The following ERCC6 variants were observed in gnomAD, a reference collection of about 807,000 sequenced individuals.
ERCC6 encodes ERCC excision repair 6, chromatin remodeling factor, also known as DNA excision repair protein ERCC-6.
Under a neutral mutation model 158.7 loss-of-function variants are expected in ERCC6, and 116 were observed. The observed-to-expected ratio is 0.73, with a 90% CI of 0.63 to 0.85. ERCC6 has a LOEUF of 0.85. ERCC6 is among the 40% of genes least tolerant of loss of function. The pLI, the probability that ERCC6 is intolerant of heterozygous loss-of-function variation, is 0.00. For missense variants in ERCC6, 1,698 were observed against 1,799.4 expected, an observed-to-expected ratio of 0.94 and a Z score of 1.02; for synonymous variants, 678 against 659.3, an observed-to-expected ratio of 1.03 and a Z score of -0.43.
chr10:49,480,400 A>G lies in ERCC6; in HGVS notation c.2170-1930T>C, dbSNP rs4253178. Among the ~76,000 whole-genome samples the G allele has an allele frequency of 3.5e-3, 536 of 152,328 alleles. 5 individuals carry two copies. Among genetic ancestry groups the G allele is most frequent in the African/African-American group, 0.013 (521 of 41,570 alleles). ...TAGCCCCTGCCATCATTTTAGCACC[A>G]GCATGACAGAATAAATACCGGCACA... On this transcript the variant is annotated intron_variant, in intron 10 of 20. Transcript: ENST00000355832.
chr10:49,535,625 C>T lies in ERCC6; in HGVS notation c.-14-2647G>A, dbSNP rs188351461. ...GATTTCTTTTTAAGAAAAAAGGATG[C>T]CAATTCAACCAAAAATATTAAGTAA... On this transcript the variant is annotated intron_variant, in intron 1 of 20. Transcript: ENST00000355832. Among the ~76,000 whole-genome samples the T allele has an allele frequency of 1.6e-3, 250 of 152,144 alleles. 1 individual carries two copies. In the Middle Eastern group the frequency reaches 0.02, roughly 12 times the overall value.
chr10:49,445,875 G>A, the ERCC6 span, among the ~76,000 whole-genome samples: 3 of 152,146 alleles, frequency 2.0e-5, no homozygotes, highest in African/African-American at 7.2e-5. Context: ...AATCAGAACT[G>A]AGACCCCCTC....
intron 1 of ERCC6, among the ~76,000 whole-genome samples, chr10:49,536,338 G>A (rs1484875015): frequency 1.3e-5 from 2 of 152,088 alleles, no homozygotes; most frequent in African/African-American, 4.8e-5. Context: ...ACTAGAGCAC[G>A]TAATGGCTGG....
chr10:49,538,130 T>C (rs754478770), intron 1 of ERCC6, among the ~76,000 whole-genome samples: 1 of 152,168 alleles, frequency 6.6e-6, no homozygotes, highest in Non-Finnish European at 1.5e-5. Flanking sequence ...TCTTGCAGAG[T>C]ATCTTCTAAG....
the ERCC6 span, among the ~76,000 whole-genome samples, chr10:49,443,802 T>C: frequency 6.6e-6 from 1 of 152,242 alleles, no homozygotes; most frequent in African/African-American, 2.4e-5. Context: ...TGTAGCCATA[T>C]AGCCTAGGTG....
chr10:49,449,558 G>GTTTTTT (rs1180100357), downstream of ERCC6, among the ~76,000 whole-genome samples: 3 of 105,160 alleles, frequency 2.9e-5, no homozygotes, highest in African/African-American at 1.2e-4. Flanking sequence ...TGATAGTTAG[G>GTTTTTT]TCTTTTTTTT....
At chr10:49,469,901 T>C (rs1006498890) in intron 18 of ERCC6, among the ~76,000 whole-genome samples, 8 of 152,248 alleles carry the variant, frequency 5.3e-5, no homozygotes, top group African/African-American at 1.2e-4. Flanking sequence ...AACTGCCTAC[T>C]AATGTTCAGG....
intron 13 of ERCC6, 54 bp downstream of exon 13, chr10:49,473,973 T>C (rs540945382): frequency 1.3e-6 from 2 of 1,485,642 alleles, no homozygotes; most frequent in South Asian, 1.1e-5. Context: ...TTTTGTGAGT[T>C]GATGGCTGTC....
At chr10:49,520,945 G>A (rs1157488302) in intron 5 of ERCC6, among the ~76,000 whole-genome samples, 1 of 152,156 alleles carries the variant, frequency 6.6e-6, no homozygotes, top group Non-Finnish European at 1.5e-5. Flanking sequence ...TTGGATAAGG[G>A]TCATATTAAT....
Position 49,499,644 on chromosome 10 carries a change from T to C in ERCC6, c.1685+894A>G, listed in dbSNP as rs146652638. ...AGCTCGGACTTATCTGGGTTCAGTATGATGAAATATCCTACATAATTTACC... is the reference window on the plus strand; with the variant it reads ...AGCTCGGACTTATCTGGGTTCAGTACGATGAAATATCCTACATAATTTACC... On this transcript the variant is annotated intron_variant, in intron 7 of 20. Transcript: ENST00000355832. Among the ~76,000 whole-genome samples, 1,092 of 152,292 alleles carry C rather than the reference T, an allele frequency of 7.2e-3. 13 individuals are homozygous for C. Among genetic ancestry groups the C allele is most frequent in the African/African-American group, 0.024 (989 of 41,562 alleles).
intron 5 of ERCC6, among the ~76,000 whole-genome samples, chr10:49,511,568 G>A (rs1836818963): frequency 6.6e-6 from 1 of 152,050 alleles, no homozygotes; most frequent in Admixed American, 6.6e-5. Flanking sequence ...AGGACTACAG[G>A]CATGCGCCAC....
the ERCC6 span, among the ~76,000 whole-genome samples, chr10:49,442,352 A>G: frequency 6.6e-6 from 1 of 152,200 alleles, no homozygotes; most frequent in Non-Finnish European, 1.5e-5. Context: ...GCGAAAGCAA[A>G]GGCACAGGGC....
chr10:49,466,548 T>G (rs1395492925), intron 18 of ERCC6, among the ~76,000 whole-genome samples: 2 of 152,342 alleles, frequency 1.3e-5, no homozygotes, highest in East Asian at 1.9e-4. Flanking sequence ...ATTATGTACA[T>G]ACCATGAAAC....
At chr10:49,483,131 C>T (rs1487072729) in intron 9 of ERCC6, among the ~76,000 whole-genome samples, 1 of 152,046 alleles carries the variant, frequency 6.6e-6, no homozygotes, top group Non-Finnish European at 1.5e-5. Flanking sequence ...CTGGCCCCTA[C>T]AAGAGACATT....
Position 49,524,295 on chromosome 10 carries a change from CCT to C in ERCC6, c.1133_1134del (p.Glu378GlyfsTer8), listed in dbSNP as rs760741490. The C allele has an allele frequency of 6.2e-7, 1 of 1,614,060 alleles. No individual in the cohort carries two copies. Among genetic ancestry groups the C allele is most frequent in the South Asian group, 1.1e-5 (1 of 91,076 alleles). On this transcript the variant is annotated frameshift_variant, in exon 5 of 21. Transcript: ENST00000355832. LOFTEE classifies it high-confidence loss of function. Reference protein sequence around the residue: ...EGEESEYFPTEEEEEEEDDEV... With the variant: ...EGEESEYFPTXEEEEEEDDEV... The stretch of plus-strand genomic sequence containing the variant: ...TCGTCATCTTCCTCCTCTTCCTCCT[CCT>C]CTGTGGGGAAATACTCAGACTCTTC...
At position 49,483,338 on chromosome 10, in the gene ERCC6, G is replaced by T. The variant is rs1200709700; in HGVS notation, c.1992+8C>A. ...CTTGGAAATCTCCCTTGTTAAAAGA[G>T]GTCATACCTGTTTGCAAGCAAGGGT... On this transcript the variant is annotated splice_region_variant and intron_variant, in intron 9 of 20. Coordinates refer to ENST00000355832, the MANE Select transcript of ERCC6 (RefSeq NM_000124.4). The T allele has an allele frequency of 6.2e-7, 1 of 1,613,876 alleles. No homozygotes were observed. The highest frequency in any genetic ancestry group is 8.5e-7 in the Non-Finnish European group (1 of 1,179,800).
At position 49,470,357 on chromosome 10, in the gene ERCC6, T is replaced by A; in HGVS notation, c.3603A>T (p.Arg1201Ser). 1 of 1,614,202 alleles carries A rather than the reference T, an allele frequency of 6.2e-7. No individual in the cohort carries two copies. Among genetic ancestry groups the A allele is most frequent in the East Asian group, 2.2e-5 (1 of 44,890 alleles). Residue 1201 changes from arginine (R) to serine (S), a missense_variant, in exon 18 of 21, where the codon AGA becomes AGT. By Grantham distance (110) the Arg-to-Ser change is moderately radical. Coordinates refer to ENST00000355832, the MANE Select transcript of ERCC6 (RefSeq NM_000124.4). ...TAGAGTTCTTAGGCTTTTGCTTTGG[T>A]CTCAGATGTTTCTCCAGGGTCTCTT... Reference protein sequence around the residue: ...AEEETLEKHLRPKQKPKNSKH... With the variant: ...AEEETLEKHLSPKQKPKNSKH...
At position 49,457,769 on chromosome 10, in the gene ERCC6, A is replaced by G. The variant is rs1327525596; in HGVS notation, c.*1046T>C. The G allele has an allele frequency of 6.6e-6, 1 of 152,278 alleles. No homozygotes were observed. The highest frequency in any genetic ancestry group is 2.4e-5 in the African/African-American group (1 of 41,468). 9.4% of individuals were successfully genotyped at this position (152,278 alleles called of 1,614,324 possible). On this transcript the variant is annotated 3_prime_UTR_variant, in exon 21 of 21. Transcript: ENST00000355832. ...AAATCATCCTGAGAAGGAAACAAGA[A>G]AAACATGGGTAAGAAAATAAACTGA... is the stretch of plus-strand genomic sequence containing the variant.
intron 7 of ERCC6, 104 bp from the exon 8 acceptor site, chr10:49,493,356 A>T: frequency 7.3e-7 from 1 of 1,363,586 alleles, no homozygotes; most frequent in Non-Finnish European, 1.0e-6. Context: ...TTAGTTCAAA[A>T]AAACAATGCT....
Sources: allele counts gnomAD v4.1 joint callset (sites outside exome capture counted in the v4.1 genomes callset), GRCh38; gene constraint gnomAD v4.1.1; transcripts MANE v1.5; gene names NCBI Gene and HGNC (gene_info 2026-07-23, HGNC 2026-07-21).